ADGRG5: variants seen among roughly 807,000 people sequenced by gnomAD.
ADGRG5 encodes G protein-coupled receptor 114.
A neutral mutation model predicts 53.2 loss-of-function variants in ADGRG5; 37 were observed. The observed-to-expected ratio is 0.70, with a 90% CI of 0.53 to 0.91. ADGRG5 has a LOEUF of 0.91. Among genes scored for constraint, ADGRG5 ranks in the 40% least tolerant of loss-of-function variants. The pLI is 0.00. For missense variants in ADGRG5, 614 were observed against 675.8 expected (o/e 0.91, Z 1.01); for synonymous variants, 277 against 290.4 (o/e 0.95, Z 0.47).
chr16:57,564,113 C>A, intron 5 of ADGRG5, 134 bp downstream of exon 5: 1 of 965,318 alleles, frequency 1.0e-6, no homozygotes, highest in Non-Finnish European at 1.6e-6. Context: ...GCAATCCAAG[C>A]CAGCAATTGT....
chr16:57,566,866 CA>C (rs772442359), intron 7 of ADGRG5, 115 bp downstream of exon 7: 1 of 963,480 alleles, frequency 1.0e-6, no homozygotes, highest in Non-Finnish European at 1.4e-6. Flanking sequence ...TGGGCTTAAG[CA>C]AAAAACAAAA....
At chr16:57,571,717 G>A (rs2033367083) in intron 10 of ADGRG5, among the ~76,000 whole-genome samples, 1 of 148,348 alleles carries the variant, frequency 6.7e-6, no homozygotes. Flanking sequence ...GTGCAATGGT[G>A]TGATCTCGGC....
At chr16:57,556,347 A>G (rs989031371) in intron 1 of ADGRG5, among the ~76,000 whole-genome samples, 1 of 151,922 alleles carries the variant, frequency 6.6e-6, no homozygotes, top group South Asian at 2.1e-4. Context: ...CCATCTTGCT[A>G]TTTGTTTTCT....
At chr16:57,534,662 G>A in the ADGRG5 span, among the ~76,000 whole-genome samples, 1 of 152,160 alleles carries the variant, frequency 6.6e-6, no homozygotes, top group Non-Finnish European at 1.5e-5. Context: ...CGTGATGGAT[G>A]GAAGGTACCC....
At chr16:57,560,309 A>G (rs1289813865) in intron 1 of ADGRG5, among the ~76,000 whole-genome samples, 1 of 152,240 alleles carries the variant, frequency 6.6e-6, no homozygotes. Context: ...CACATCCTCC[A>G]GCAGCTTCTC....
rs1468476814 is a variant in ADGRG5, at chr16:57,576,545, G to C, written c.*1007G>C. 1 of 152,028 alleles carries C rather than the reference G, an allele frequency of 6.6e-6. No individual in the cohort carries two copies. The highest frequency in any genetic ancestry group is 2.4e-5 in the African/African-American group (1 of 41,380). The allele number at this position is 152,028 out of a possible 1,614,324, so 9.4% of individuals were successfully genotyped here. A position where few individuals can be genotyped will look rare whatever the true frequency, so the allele number is the denominator to read the frequency against. Reference sequence around the variant, plus strand: ...GCTCATGAAGCCAGTGCGTTTCCCAGAACGAACACTAGGCGGCACCGTTGG... The same window carrying C: ...GCTCATGAAGCCAGTGCGTTTCCCACAACGAACACTAGGCGGCACCGTTGG... On this transcript the variant is annotated 3_prime_UTR_variant, in exon 12 of 12. Transcript: ENST00000349457.
intron 9 of ADGRG5, among the ~76,000 whole-genome samples, chr16:57,568,473 T>C (rs375069293): frequency 5.7e-5 from 7 of 123,850 alleles, no homozygotes; most frequent in African/African-American, 1.6e-4. Context: ...CATCCACCTC[T>C]GTTATCGCCA....
chr16:57,544,732 G>T (rs4140664), intron 1 of ADGRG5, among the ~76,000 whole-genome samples: 80,823 of 151,970 alleles, frequency 0.53, 23,157 homozygotes, highest in African/African-American at 0.73. Flanking sequence ...TCCTGAATGA[G>T]TTCCTTCAGT....
intron 10 of ADGRG5, among the ~76,000 whole-genome samples, chr16:57,571,653 T>C: frequency 7.2e-6 from 1 of 138,340 alleles, no homozygotes; most frequent in Non-Finnish European, 1.5e-5. Flanking sequence ...TTTTCTTTTT[T>C]TTCTTTTTTT....
intron 1 of ADGRG5, among the ~76,000 whole-genome samples, chr16:57,559,541 A>G (rs1007380271): frequency 1.3e-5 from 2 of 152,052 alleles, no homozygotes; most frequent in Non-Finnish European, 2.9e-5. Context: ...GTAAACTGCC[A>G]CTCTAGCTAA....
rs148838418 is a variant in ADGRG5, at chr16:57,572,721, G to T, written c.1209-2094G>T. On this transcript the variant is annotated intron_variant, in intron 10 of 11. Coordinates refer to ENST00000349457, the MANE Select transcript of ADGRG5 (RefSeq NM_001304376.3). ...ACAAAACAAAACAAATACAACCCTT[G>T]AAAATCATTCAGATGTCCACTGACG... Among the ~76,000 whole-genome samples the T allele has an allele frequency of 6.0e-3, 920 of 152,326 alleles. 9 individuals carry two copies. Among genetic ancestry groups the T allele is most frequent in the African/African-American group, 0.021 (893 of 41,576 alleles).
chr16:57,553,039 G>A (rs1424731547), intron 1 of ADGRG5, among the ~76,000 whole-genome samples: 1 of 152,132 alleles, frequency 6.6e-6, no homozygotes, highest in Non-Finnish European at 1.5e-5. Flanking sequence ...TTATATGGGC[G>A]CAGTTTGTGG....
the ADGRG5 span, among the ~76,000 whole-genome samples, chr16:57,536,062 CCCA>C: frequency 6.6e-6 from 1 of 152,188 alleles, no homozygotes; most frequent in East Asian, 1.9e-4. Context: ...TCCCGCCCAC[CCCA>C]CCGCATGGCC....
rs754664803 is a variant in ADGRG5, at chr16:57,567,950, A to T, written c.916A>T (p.Met306Leu). 3 of 1,613,810 alleles carry T rather than the reference A, an allele frequency of 1.9e-6. No homozygotes were observed. Among genetic ancestry groups the T allele is most frequent in the African/African-American group, 2.7e-5 (2 of 74,862 alleles). The part of the protein sequence containing the change: ...IAFLLSPAFA[M>L]SPVPGSACTA... ...CTTCCTGCTGAGCCCCGCATTCGCA[A>T]TGTCTCCTGTGCCCGGGTCAGCATG... Residue 306 changes from methionine (M) to leucine (L), a missense_variant, in exon 9 of 12, where the codon ATG becomes TTG. Physicochemically the swap from Met to Leu is conservative, Grantham distance 15 (BLOSUM62 2). Coordinates refer to ENST00000349457, the MANE Select transcript of ADGRG5 (RefSeq NM_001304376.3).
rs775857624 is a variant in ADGRG5 at position 57,565,027 on chromosome 16, C to T, written c.430-7C>T. The T allele has an allele frequency of 2.9e-5, 46 of 1,594,030 alleles. No individual in the cohort carries two copies. In the East Asian group the frequency reaches 1.0e-3, roughly 35 times the overall value. ...TCCACTCAGCCCTTCTCCTGCTGCC[C>T]TTCCAGGATGAAAACAACTCATCTC... is the stretch of plus-strand genomic sequence containing the variant. On this transcript the variant is annotated splice_region_variant and splice_polypyrimidine_tract_variant and intron_variant, in intron 5 of 11. Coordinates refer to ENST00000349457, the MANE Select transcript of ADGRG5 (RefSeq NM_001304376.3).
At chr16:57,548,196 A>G (rs1269770601) in intron 1 of ADGRG5, among the ~76,000 whole-genome samples, 2 of 147,862 alleles carry the variant, frequency 1.4e-5, no homozygotes, top group African/African-American at 5.1e-5. Context: ...TTTTTTTTAA[A>G]GAATACACAT....
intron 11 of ADGRG5, 59 bp from the exon 12 acceptor site, chr16:57,575,379 G>A: frequency 6.7e-7 from 1 of 1,501,346 alleles, no homozygotes; most frequent in Non-Finnish European, 9.3e-7. Flanking sequence ...CAGCCAAGGA[G>A]ACCCTGGCCT....
chr16:57,556,624 T>G (rs1444670414), intron 1 of ADGRG5, among the ~76,000 whole-genome samples: 1 of 152,222 alleles, frequency 6.6e-6, no homozygotes, highest in Non-Finnish European at 1.5e-5. Context: ...TGTCGTGCTA[T>G]TTTTGTGGTA....
In ADGRG5 at chr16:57,567,845, C is replaced by T. The variant is rs566968161; in HGVS notation, c.822-11C>T. 1 of 1,603,292 alleles carries T rather than the reference C, an allele frequency of 6.2e-7. No individual in the cohort carries two copies. The highest frequency in any genetic ancestry group is 8.5e-7 in the Non-Finnish European group (1 of 1,177,098). On this transcript the variant is annotated splice_polypyrimidine_tract_variant and intron_variant, in intron 8 of 11. Transcript: ENST00000349457. ...TCCCTGGGCCATGGAGGACCATTCT[C>T]TCACCTGCAGGAAGCAGAGTGACTC...
Sources: gnomAD v4.1 joint callset for allele counts (sites outside exome capture counted in the v4.1 genomes callset) on GRCh38, gnomAD v4.1.1 for gene constraint, MANE v1.5 for transcripts, NCBI Gene and HGNC (gene_info 2026-07-23, HGNC 2026-07-21) for gene names.